ZNF208: variants seen among roughly 807,000 people sequenced by gnomAD.
The protein encoded by ZNF208 is zinc finger protein 208.
ZNF208 carries 10 observed loss-of-function variants against 12.1 expected under a neutral mutation model. The ratio of observed to expected loss-of-function variants is 0.83; its 90% CI spans 0.51 to 1.40. ZNF208 has a LOEUF of 1.40. ZNF208 is among the 40% of genes most tolerant of loss of function. The probability of loss-of-function intolerance (pLI) is 0.00; values close to 1 mark genes in which losing one functional copy is unlikely to be tolerated. For missense variants in ZNF208, 1,652 were observed against 1,485.0 expected, an observed-to-expected ratio of 1.11 and a Z score of -1.85; for synonymous variants, 497 against 488.4, an observed-to-expected ratio of 1.02 and a Z score of -0.23.
chr19:21,971,455 T>G lies in ZNF208; in HGVS notation c.3579A>C (p.Gly1193=), dbSNP rs569069766. 14 of 1,611,292 alleles carry G rather than the reference T, an allele frequency of 8.7e-6. No homozygotes were observed. In the East Asian group the frequency reaches 3.1e-4, roughly 36 times the overall value. Residue 1193 remains glycine (G), a synonymous_variant, in exon 4 of 4, where the codon GGA becomes GGC. Coordinates refer to ENST00000397126, the MANE Select transcript of ZNF208 (RefSeq NM_007153.3). ...ILAKHKVIHT[G]EKLYKCEECG... ...ATTCTTCACATTTGTAGAGTTTCTC[T>G]CCAGTATGAATTACCTTATGTTTTG...
chr19:21,995,382 G>A (rs1026843687), intron 1 of ZNF208, among the ~76,000 whole-genome samples: 1 of 152,182 alleles, frequency 6.6e-6, no homozygotes, highest in Non-Finnish European at 1.5e-5. Context: ...ACCAACCAGA[G>A]ATACTTCTTG....
downstream of ZNF208, among the ~76,000 whole-genome samples, chr19:21,964,789 C>T (rs1970136100): frequency 6.6e-6 from 1 of 151,806 alleles, no homozygotes; most frequent in African/African-American, 2.4e-5. Context: ...AAGAATACTT[C>T]TTCCAATTGA....
intron 4 of ZNF208, chr19:21,940,230 A>G (rs973071608): frequency 6.6e-5 from 10 of 152,228 alleles, no homozygotes; most frequent in African/African-American, 1.7e-4. Flanking sequence ...TGCTCAACAC[A>G]CATTTATCAT....
At chr19:21,947,043 A>C (rs1310053221) in intron 4 of ZNF208, among the ~76,000 whole-genome samples, 3 of 151,354 alleles carry the variant, frequency 2.0e-5, no homozygotes, top group African/African-American at 7.3e-5. Context: ...ATGTTTTTAC[A>C]GCCTATGGAT....
intron 1 of ZNF208, among the ~76,000 whole-genome samples, chr19:22,001,909 AAAAAAAAAAAAAG>A (rs1970959101): frequency 1.4e-5 from 2 of 146,868 alleles, no homozygotes; most frequent in African/African-American, 5.0e-5. Context: ...AAAAAAAAAA[AAAAAAAAAAAAAG>A]AAAAAAGAAA....
In ZNF208 at chr19:21,973,248, G is replaced by T. The variant is rs945753533; in HGVS notation, c.1786C>A (p.Leu596Ile). 1.2e-6 allele frequency: 2 copies of T among 1,613,020 alleles called. No individual in the cohort carries two copies. The highest frequency in any genetic ancestry group is 2.7e-5 in the African/African-American group (2 of 74,832). Residue 596 changes from leucine (L) to isoleucine (I), a missense_variant, in exon 4 of 4, where the codon CTT becomes ATT. This residue lies in a region of ZNF208 where 1,239 missense variants were observed against 1,086.2 expected (regional missense o/e 1.14). Coordinates refer to ENST00000397126, the MANE Select transcript of ZNF208 (RefSeq NM_007153.3). ...CGKAFNQSAILIKHKRIHTGE... is the reference protein window; with the variant it reads ...CGKAFNQSAIIIKHKRIHTGE... ...GTATGAATTCTCTTATGTTTAATAA[G>T]AATTGCAGATTGGTTAAAAGCTTTG... is the stretch of plus-strand genomic sequence containing the variant.
chr19:21,964,747 C>CTA (rs1481581372), downstream of ZNF208, among the ~76,000 whole-genome samples: 1 of 151,698 alleles, frequency 6.6e-6, no homozygotes, highest in Non-Finnish European at 1.5e-5. Flanking sequence ...ATTGAGTGGT[C>CTA]TATAGTTTCT....
rs150092616 is a variant in ZNF208, at chr19:21,994,094, T to C, written c.4-5185A>G. On this transcript the variant is annotated intron_variant, in intron 1 of 3. Coordinates refer to ENST00000397126, the MANE Select transcript of ZNF208 (RefSeq NM_007153.3). ...GTCATTGATTTTTTCAAAAAATGTATAGAACAAAAGCTAAATATAGACAGA... is the reference window on the plus strand; with the variant it reads ...GTCATTGATTTTTTCAAAAAATGTACAGAACAAAAGCTAAATATAGACAGA... Among the ~76,000 whole-genome samples the C allele has an allele frequency of 5.3e-3, 814 of 152,326 alleles. 5 individuals carry two copies. Among genetic ancestry groups the C allele is most frequent in the African/African-American group, 0.019 (791 of 41,568 alleles).
rs529999403 is a variant in ZNF208 at position 21,994,729 on chromosome 19, G to T, written c.4-5820C>A. 9.9e-5 allele frequency among the ~76,000 whole-genome samples: 15 copies of T among 152,044 alleles called. No individual in the cohort carries two copies. The South Asian group carries it at 3.1e-3, about 32-fold the overall frequency. ...AATAAGTATTCTTAGCAGGGTAAAAGAAATACAAATAATAATAATGACTCT... is the reference window on the plus strand; with the variant it reads ...AATAAGTATTCTTAGCAGGGTAAAATAAATACAAATAATAATAATGACTCT... On this transcript the variant is annotated intron_variant, in intron 1 of 3. Transcript: ENST00000397126.
chr19:21,994,423 C>A (rs1352767553), intron 1 of ZNF208, among the ~76,000 whole-genome samples: 1 of 152,074 alleles, frequency 6.6e-6, no homozygotes, highest in African/African-American at 2.4e-5. Flanking sequence ...TTCTTTCAGG[C>A]AAGACTCCAG....
intron 4 of ZNF208, among the ~76,000 whole-genome samples, chr19:21,949,639 C>T (rs1053085351): frequency 1.3e-5 from 2 of 152,140 alleles, no homozygotes; most frequent in African/African-American, 4.8e-5. Flanking sequence ...AAGCACCAAC[C>T]CTCAGTCTTC....
downstream of ZNF208, among the ~76,000 whole-genome samples, chr19:21,961,239 G>C (rs2145528055): frequency 6.6e-6 from 1 of 152,274 alleles, no homozygotes; most frequent in South Asian, 2.1e-4. Flanking sequence ...TCACATGTCG[G>C]TAGGACTGTG....
intron 3 of ZNF208, among the ~76,000 whole-genome samples, chr19:21,986,473 GT>G (rs878977975): frequency 2.6e-5 from 4 of 152,092 alleles, no homozygotes; most frequent in Admixed American, 2.6e-4. Context: ...AAGTTTTCAA[GT>G]GCAAGATTTA....
Position 21,972,733 on chromosome 19 carries a change from A to T in ZNF208, c.2301T>A (p.His767Gln). Reference protein sequence around the residue: ...AYKWSSTLSYHKKIHTVEKPY... With the variant: ...AYKWSSTLSYQKKIHTVEKPY... ...GTTTCTCTACAGTATGAATTTTCTTATGATAACTAAGGGTTGAGGACCACT... is the reference window on the plus strand; with the variant it reads ...GTTTCTCTACAGTATGAATTTTCTTTTGATAACTAAGGGTTGAGGACCACT... Residue 767 changes from histidine to glutamine, a missense_variant, in exon 4 of 4, where the codon CAT (histidine) becomes CAA (glutamine). This residue lies in a region of ZNF208 where 1,239 missense variants were observed against 1,086.2 expected (regional missense o/e 1.14). Coordinates refer to ENST00000397126, the MANE Select transcript of ZNF208 (RefSeq NM_007153.3). 1.3e-6 allele frequency: 2 copies of T among 1,588,700 alleles called. No homozygotes were observed. The highest frequency in any genetic ancestry group is 1.7e-6 in the Non-Finnish European group (2 of 1,166,076).
rs1169918416 is a variant in ZNF208 at position 21,974,191 on chromosome 19, T to G, written c.843A>C (p.Gly281=). The G allele has an allele frequency of 5.0e-6, 8 of 1,603,294 alleles. No individual in the cohort carries two copies. The highest frequency in any genetic ancestry group is 6.8e-6 in the Non-Finnish European group (8 of 1,171,460). ...ATTCTTCACATTTGTTGGGTTTCTC[T>G]CCAGTATGAATTATCTTATGTTTAG... ...ILTKHKIIHT[G]EKPNKCEECG... The change falls in exon 4 of 4, where the codon GGA becomes GGC. Residue 281 remains glycine, a synonymous_variant. Transcript: ENST00000397126.
At chr19:21,956,427 C>T (rs1000634962) in intron 4 of ZNF208, among the ~76,000 whole-genome samples, 7 of 152,230 alleles carry the variant, frequency 4.6e-5, no homozygotes, top group Non-Finnish European at 1.0e-4. Flanking sequence ...CTATGCCCTG[C>T]CCCTAGAGGT....
chr19:21,987,354 T>A, intron 2 of ZNF208, 43 bp from the exon 3 acceptor site: 1 of 1,565,514 alleles, frequency 6.4e-7, no homozygotes, highest in Non-Finnish European at 8.7e-7. Context: ...GCTCATATTC[T>A]CCAATTACCA....
rs1036901648 is a variant in ZNF208, at chr19:22,010,908, G to A, written c.-114C>T. The A allele has an allele frequency of 1.2e-5, 18 of 1,498,240 alleles. No homozygotes were observed. In the Admixed American group the frequency reaches 2.2e-4, roughly 18 times the overall value. The allele number at this position is 1,498,240 out of a possible 1,614,324, so 92.8% of individuals were successfully genotyped here. ...GCAGAGGACACACAGCAGTAAGGACGAGACCTTGACCTCCGGCTGCAGCGA... is the reference window on the plus strand; with the variant it reads ...GCAGAGGACACACAGCAGTAAGGACAAGACCTTGACCTCCGGCTGCAGCGA... On this transcript the variant is annotated 5_prime_UTR_variant, in exon 1 of 4. Transcript: ENST00000397126.
Position 21,966,908 on chromosome 19 carries a change from G to T in ZNF208, c.*4283C>A, listed in dbSNP as rs1388881538. The T allele has an allele frequency of 6.6e-6, 1 of 152,136 alleles. No individual in the cohort carries two copies. Among genetic ancestry groups the T allele is most frequent in the East Asian group, 1.9e-4 (1 of 5,190 alleles). The allele number at this position is 152,136 out of a possible 1,614,324, so 9.4% of individuals were successfully genotyped here. On this transcript the variant is annotated 3_prime_UTR_variant, in exon 4 of 4. Transcript: ENST00000397126. ...CAGCTCTTATGTCTTCCTTTGAGAA[G>T]AAGCTGGCTATTCATATCATGTTTG...
Sources: gnomAD v4.1 joint callset for allele counts (sites outside exome capture counted in the v4.1 genomes callset) on GRCh38, gnomAD v4.1.1 for gene constraint, gnomAD v4.1.1 regional missense constraint, MANE v1.5 for transcripts, NCBI Gene and HGNC (gene_info 2026-07-23, HGNC 2026-07-21) for gene names.